NKAIN2: variants seen among roughly 807,000 people sequenced by gnomAD.
NKAIN2 encodes the protein sodium/potassium-transporting ATPase subunit beta-1-interacting protein 2.
In NKAIN2, 14 loss-of-function variants were observed where a neutral mutation model predicts 32.6. That is an observed-to-expected ratio of 0.43 (90% CI 0.28 to 0.67). NKAIN2 has a LOEUF of 0.67. NKAIN2 is among the 30% of genes least tolerant of loss of function. The pLI, the probability that NKAIN2 is intolerant of heterozygous loss-of-function variation, is 0.17. For missense variants in NKAIN2, 198 were observed against 258.3 expected, an observed-to-expected ratio of 0.77 and a Z score of 1.60; for synonymous variants, 80 against 87.2, an observed-to-expected ratio of 0.92 and a Z score of 0.46.
intron 1 of NKAIN2, among the ~76,000 whole-genome samples, chr6:124,167,981 T>C (rs934824055): frequency 1.3e-5 from 2 of 152,196 alleles, no homozygotes; most frequent in Non-Finnish European, 2.9e-5. Flanking sequence ...TCCTTCTCTT[T>C]TGAGAATCCA....
intron 4 of NKAIN2, among the ~76,000 whole-genome samples, chr6:124,740,270 G>C (rs957541697): frequency 2.0e-5 from 3 of 151,616 alleles, no homozygotes; most frequent in Non-Finnish European, 4.4e-5. Flanking sequence ...TCTTCCCCCA[G>C]ATAATTTATG....
At chr6:124,042,122 GAA>G (rs1237001235) in intron 1 of NKAIN2, among the ~76,000 whole-genome samples, 3 of 152,118 alleles carry the variant, frequency 2.0e-5, no homozygotes, top group Non-Finnish European at 4.4e-5. Context: ...ACCACGGAAA[GAA>G]AAGTCTGACT....
intron 1 of NKAIN2, among the ~76,000 whole-genome samples, chr6:124,040,716 A>C (rs1442460613): frequency 1.3e-5 from 2 of 152,004 alleles, no homozygotes; most frequent in Non-Finnish European, 2.9e-5. Context: ...CTATATATGC[A>C]TGTGGCTCTT....
intron 1 of NKAIN2, among the ~76,000 whole-genome samples, chr6:124,116,086 G>C (rs908030845): frequency 6.6e-6 from 1 of 152,008 alleles, no homozygotes; most frequent in African/African-American, 2.4e-5. Context: ...TCAGCTCTTA[G>C]AGATCAGTAA....
chr6:124,093,212 T>C (rs1562353540), intron 1 of NKAIN2, among the ~76,000 whole-genome samples: 2 of 151,864 alleles, frequency 1.3e-5, no homozygotes, highest in African/African-American at 2.4e-5. Context: ...AACATGAGAG[T>C]AGAAAAATAC....
At chr6:124,349,004 GT>G (rs1798586325) in intron 2 of NKAIN2, among the ~76,000 whole-genome samples, 1 of 152,102 alleles carries the variant, frequency 6.6e-6, no homozygotes, top group Non-Finnish European at 1.5e-5. Context: ...GCTAGCAGTT[GT>G]TTTTAAGACA....
rs909775684 is a variant in NKAIN2, at chr6:123,964,332, C to A, written c.54+160078C>A. ...GATTTCTGTGTTGCCTTTGCCTGAA[C>A]CTCCTCTAGTTTCATTAAATTTAAT... On this transcript the variant is annotated intron_variant, in intron 1 of 6. Coordinates refer to ENST00000368417, the MANE Select transcript of NKAIN2 (RefSeq NM_001040214.3). The surrounding 1 kb of genome is among the most constrained non-coding windows in gnomAD (Gnocchi z 4.0). 6.6e-6 allele frequency among the ~76,000 whole-genome samples: 1 copy of A among 152,096 alleles called. No homozygotes were observed. The highest frequency in any genetic ancestry group is 2.4e-5 in the African/African-American group (1 of 41,418).
intron 4 of NKAIN2, among the ~76,000 whole-genome samples, chr6:124,683,710 C>T (rs529650535): frequency 2.1e-4 from 32 of 152,274 alleles, no homozygotes; most frequent in Admixed American, 7.9e-4. Flanking sequence ...CAACACCGAC[C>T]TCTCTATTCA....
intron 3 of NKAIN2, among the ~76,000 whole-genome samples, chr6:124,626,434 C>CTGTT (rs1783348345): frequency 7.9e-6 from 1 of 126,122 alleles, no homozygotes; most frequent in Non-Finnish European, 1.9e-5. Context: ...GATACCTAAA[C>CTGTT]TGTTATTATC....
chr6:123,897,630 A>G (rs1316903368), intron 1 of NKAIN2, among the ~76,000 whole-genome samples: 1 of 151,942 alleles, frequency 6.6e-6, no homozygotes, highest in Non-Finnish European at 1.5e-5. Flanking sequence ...CTGATTAATT[A>G]TATATCTGTT....
chr6:124,642,218 T>C (rs975436777), intron 3 of NKAIN2, among the ~76,000 whole-genome samples: 1 of 152,224 alleles, frequency 6.6e-6, no homozygotes, highest in African/African-American at 2.4e-5. Context: ...TCATTCAACC[T>C]GTTAAATAAA....
chr6:124,306,436 G>A (rs1042939956), intron 2 of NKAIN2, among the ~76,000 whole-genome samples: 24 of 152,082 alleles, frequency 1.6e-4, no homozygotes, highest in African/African-American at 5.3e-4. Flanking sequence ...AGCAAAATAT[G>A]GATCTTAACT....
At chr6:124,054,899 A>G (rs1782579599) in intron 1 of NKAIN2, among the ~76,000 whole-genome samples, 1 of 152,002 alleles carries the variant, frequency 6.6e-6, no homozygotes, top group Non-Finnish European at 1.5e-5. Context: ...TCTATCACTT[A>G]TGATTAAAAG....
At chr6:124,382,463 T>C (rs1772689506) in intron 3 of NKAIN2, among the ~76,000 whole-genome samples, 1 of 152,188 alleles carries the variant, frequency 6.6e-6, no homozygotes, top group Non-Finnish European at 1.5e-5. Context: ...TGTTCCTGGA[T>C]TGCAAGTTTG....
chr6:124,364,250 A>AGAG (rs1554288848), intron 3 of NKAIN2, among the ~76,000 whole-genome samples: 45 of 139,742 alleles, frequency 3.2e-4, no homozygotes, highest in Non-Finnish European at 4.6e-4. Context: ...AAAAAAAAAA[A>AGAG]AGAGAGAAAA....
At chr6:124,658,115 C>A in intron 3 of NKAIN2, 71 bp from the exon 4 acceptor site, 2 of 1,204,436 alleles carry the variant, frequency 1.7e-6, no homozygotes, top group South Asian at 1.5e-5. Context: ...AAAGTCAAAG[C>A]AAGTCAGTCC....
intron 1 of NKAIN2, among the ~76,000 whole-genome samples, chr6:124,169,684 G>GT (rs1478574292): frequency 6.6e-6 from 1 of 152,046 alleles, no homozygotes; most frequent in African/African-American, 2.4e-5. Flanking sequence ...TTCTTAGTGC[G>GT]TATGTTTTTT....
At chr6:124,012,333 G>GTT (rs1780373412) in intron 1 of NKAIN2, among the ~76,000 whole-genome samples, 1 of 113,820 alleles carries the variant, frequency 8.8e-6, no homozygotes, top group Non-Finnish European at 1.7e-5. Flanking sequence ...CACTCTACAT[G>GTT]ATTTTTTTTT....
intron 6 of NKAIN2, 123 bp from the exon 7 acceptor site, chr6:124,823,097 T>C (rs903338945): frequency 9.5e-5 from 74 of 777,498 alleles, no homozygotes; most frequent in Middle Eastern, 4.6e-4. Context: ...TAAAACCCAA[T>C]TTGGGCTTCT....
Sources: allele counts gnomAD v4.1 joint callset (sites outside exome capture counted in the v4.1 genomes callset), GRCh38; gene constraint gnomAD v4.1.1; non-coding constraint Gnocchi (gnomAD v3.1); transcripts MANE v1.5; gene names NCBI Gene and HGNC (gene_info 2026-07-23, HGNC 2026-07-21).